The following CCDC91 variants were observed in gnomAD, a reference collection of about 807,000 sequenced individuals.
CCDC91 encodes the protein coiled-coil domain-containing protein 91.
Under a neutral mutation model 63.2 loss-of-function variants are expected in CCDC91, and 48 were observed. The observed-to-expected ratio is 0.76, with a 90% CI of 0.60 to 0.97. The LOEUF (loss-of-function observed/expected upper bound fraction) is 0.97, where lower values mean the gene tolerates loss of function less well. Among genes scored for constraint, CCDC91 ranks in the 50% least tolerant of loss-of-function variants. The pLI, the probability that CCDC91 is intolerant of heterozygous loss-of-function variation, is 0.00. For synonymous variants in CCDC91, 167 were observed against 165.8 expected (o/e 1.01, Z -0.06); for missense variants, 500 against 494.6 (o/e 1.01, Z -0.10).
chr12:28,316,556 C>CTT (rs67889099), intron 6 of CCDC91, among the ~76,000 whole-genome samples: 14 of 28,474 alleles, frequency 4.9e-4, no homozygotes, highest in East Asian at 1.2e-3. Context: ...CAACTCACAC[C>CTT]TTTTTTTTTT....
chr12:28,467,775 A>G (rs10843183), intron 11 of CCDC91, among the ~76,000 whole-genome samples: 31,705 of 152,000 alleles, frequency 0.21, 4,335 homozygotes, highest in Non-Finnish European at 0.31. Context: ...TCTGACCAGA[A>G]TGGAATAAAA....
In CCDC91 at chr12:28,440,280, A is replaced by G. The variant is rs11049601; in HGVS notation, c.763-9881A>G. On this transcript the variant is annotated intron_variant, in intron 8 of 12. Coordinates refer to ENST00000536442, the MANE Select transcript of CCDC91 (RefSeq NM_018318.5). ...GTATGGCCTGTTTTGTTTCTCCCAT[A>G]TTGCCTCACTAGGTATGATGGTAAG... is the stretch of plus-strand genomic sequence containing the variant. Among the ~76,000 whole-genome samples, 309 of 152,268 alleles carry G rather than the reference A, an allele frequency of 2.0e-3. 11 individuals are homozygous for G. The East Asian group carries it at 0.053, about 26-fold the overall frequency.
intron 1 of CCDC91, among the ~76,000 whole-genome samples, chr12:28,242,787 A>G (rs1225442308): frequency 6.6e-6 from 1 of 151,942 alleles, no homozygotes; most frequent in Non-Finnish European, 1.5e-5. Flanking sequence ...GATCATGGGG[A>G]CAGTTCCTCA....
intron 6 of CCDC91, among the ~76,000 whole-genome samples, chr12:28,349,017 A>T (rs1464759035): frequency 6.6e-6 from 1 of 152,128 alleles, no homozygotes. Flanking sequence ...AGCCACCATG[A>T]CTGGCAATCT....
intron 11 of CCDC91, among the ~76,000 whole-genome samples, chr12:28,465,728 A>C (rs11049636): frequency 0.21 from 31,752 of 152,152 alleles, 4,339 homozygotes; most frequent in Non-Finnish European, 0.31. Context: ...ACTGCAAAGA[A>C]TAAAATAAAT....
At chr12:28,212,443 T>A (rs758328146) in intron 1 of CCDC91, among the ~76,000 whole-genome samples, 9 of 152,196 alleles carry the variant, frequency 5.9e-5, no homozygotes, top group Non-Finnish European at 1.2e-4. Flanking sequence ...GAACACAGTT[T>A]GAATGCTCAG....
chr12:28,194,425 A>C (rs1941561156), intron 1 of CCDC91, among the ~76,000 whole-genome samples: 1 of 152,124 alleles, frequency 6.6e-6, no homozygotes, highest in African/African-American at 2.4e-5. Context: ...GTTCTTGAAG[A>C]TGGTGTGTCC....
chr12:28,500,537 T>C (rs1406412219), intron 12 of CCDC91, among the ~76,000 whole-genome samples: 1 of 151,738 alleles, frequency 6.6e-6, no homozygotes, highest in Non-Finnish European at 1.5e-5. Context: ...CTGCCAAAAA[T>C]AAATAGTTTA....
chr12:28,301,775 C>G (rs1021922723), intron 3 of CCDC91, among the ~76,000 whole-genome samples: 5 of 151,496 alleles, frequency 3.3e-5, no homozygotes, highest in Non-Finnish European at 7.4e-5. Context: ...ATCAGATCAA[C>G]TTTTAGAAAC....
chr12:28,264,612 T>TGC (rs1947065274), intron 3 of CCDC91, among the ~76,000 whole-genome samples: 1 of 150,876 alleles, frequency 6.6e-6, no homozygotes, highest in Non-Finnish European at 1.5e-5. Flanking sequence ...TGTGTGTGTG[T>TGC]GTGTGTGTAT....
intron 6 of CCDC91, among the ~76,000 whole-genome samples, chr12:28,320,587 C>A (rs1169454275): frequency 6.6e-6 from 1 of 151,908 alleles, no homozygotes; most frequent in African/African-American, 2.4e-5. Flanking sequence ...AACAAAGCCA[C>A]AGACCTCAGC....
chr12:28,212,055 A>C (rs1407192946), intron 1 of CCDC91, among the ~76,000 whole-genome samples: 1 of 152,158 alleles, frequency 6.6e-6, no homozygotes, highest in Non-Finnish European at 1.5e-5. Context: ...ACACAAATCC[A>C]TGGAGTTCTG....
At chr12:28,332,961 C>T (rs1198401277) in intron 6 of CCDC91, among the ~76,000 whole-genome samples, 1 of 151,884 alleles carries the variant, frequency 6.6e-6, no homozygotes. Flanking sequence ...CAGCAGTAAG[C>T]AAAAACTGTG....
chr12:28,341,277 A>G (rs566448348), intron 6 of CCDC91, among the ~76,000 whole-genome samples: 12 of 152,238 alleles, frequency 7.9e-5, no homozygotes, highest in Non-Finnish European at 1.6e-4. Context: ...GGGAGATGCA[A>G]CATTTGGGTG....
intron 8 of CCDC91, among the ~76,000 whole-genome samples, chr12:28,441,069 A>G (rs1478157566): frequency 3.9e-5 from 1 of 25,902 alleles, no homozygotes; most frequent in Non-Finnish European, 8.8e-5. Context: ...AAAAAAAAAA[A>G]AAAAAAAAAA....
intron 10 of CCDC91, 36 bp from the exon 11 acceptor site, chr12:28,452,442 C>G (rs1382213481): frequency 8.6e-6 from 12 of 1,397,500 alleles, no homozygotes; most frequent in Non-Finnish European, 1.2e-5. Context: ...ATTATGCAGT[C>G]TTTCAAATTT....
At chr12:28,266,269 A>G (rs1947178668) in intron 3 of CCDC91, among the ~76,000 whole-genome samples, 1 of 151,988 alleles carries the variant, frequency 6.6e-6, no homozygotes, top group Non-Finnish European at 1.5e-5. Flanking sequence ...ATTAGAGTCA[A>G]ATATCCGTGT....
chr12:28,330,007 G>A (rs1158902309), intron 6 of CCDC91, among the ~76,000 whole-genome samples: 2 of 152,128 alleles, frequency 1.3e-5, no homozygotes, highest in South Asian at 4.1e-4. Context: ...TCTTAATCCA[G>A]TGTGTCTTTG....
At chr12:28,414,019 T>C (rs2348235) in intron 8 of CCDC91, among the ~76,000 whole-genome samples, 31,183 of 152,090 alleles carry the variant, frequency 0.21, 4,192 homozygotes, top group Non-Finnish European at 0.3. Flanking sequence ...TGAAAGGAAA[T>C]TGGGTCTGTG....
Sources: allele counts gnomAD v4.1 joint callset (sites outside exome capture counted in the v4.1 genomes callset), GRCh38; gene constraint gnomAD v4.1.1; transcripts MANE v1.5; gene names NCBI Gene and HGNC (gene_info 2026-07-23, HGNC 2026-07-21).